Variants in BMF observed in about 807,000 individuals in gnomAD.
The protein encoded by BMF is Bcl2 modifying factor, also known as bcl-2-modifying factor.
BMF carries 10 observed loss-of-function variants against 22.0 expected under a neutral mutation model. That is an observed-to-expected ratio of 0.45 (90% CI 0.28 to 0.77). The LOEUF (loss-of-function observed/expected upper bound fraction) is 0.77. Among genes scored for constraint, BMF ranks in the 30% least tolerant of loss-of-function variants. The pLI, the probability that BMF is intolerant of heterozygous loss-of-function variation, is 0.13. For synonymous variants in BMF, 87 were observed against 88.1 expected, an observed-to-expected ratio of 0.99 and a Z score of 0.07; for missense variants, 206 against 226.8, an observed-to-expected ratio of 0.91 and a Z score of 0.59.
rs1284962411 is a variant in BMF, at chr15:40,091,503, G to T, written c.*284C>A. The T allele has an allele frequency of 6.1e-6, 2 of 329,746 alleles. No homozygotes were observed. The highest frequency in any genetic ancestry group is 8.8e-5 in the Admixed American group (2 of 22,672). The allele number at this position is 329,746 out of a possible 1,614,324, so 20.4% of individuals were successfully genotyped here. On this transcript the variant is annotated 3_prime_UTR_variant, in exon 5 of 5. Transcript: ENST00000354670. The stretch of plus-strand genomic sequence containing the variant: ...ACAACTGGTAGATTCCTCAGTCGAA[G>T]AATCTACTTGTCAGAGCCCTTGGGA...
intron 3 of BMF, 141 bp downstream of exon 3, chr15:40,105,654 G>A: frequency 9.5e-7 from 1 of 1,051,830 alleles, no homozygotes; most frequent in Non-Finnish European, 1.4e-6. Context: ...AAGCCGAGAG[G>A]CAGCAGGTGG....
chr15:40,095,142 G>C (rs1466772215), intron 4 of BMF, among the ~76,000 whole-genome samples: 1 of 152,184 alleles, frequency 6.6e-6, no homozygotes, highest in African/African-American at 2.4e-5. Context: ...GCCCTCTCTG[G>C]CTACAAGCAG....
chr15:40,107,317 A>G (rs1271033982), intron 2 of BMF, among the ~76,000 whole-genome samples: 3 of 152,128 alleles, frequency 2.0e-5, no homozygotes, highest in Non-Finnish European at 2.9e-5. Context: ...TGGTCTATGG[A>G]TTGGTGAAGT....
intron 2 of BMF, among the ~76,000 whole-genome samples, chr15:40,107,538 G>GTGTA (rs2036613376): frequency 2.6e-5 from 2 of 76,070 alleles, no homozygotes; most frequent in Admixed American, 2.3e-4. Context: ...TCCCAAGTGT[G>GTGTA]TGTGTGTGTG....
chr15:40,100,527 ACT>A (rs1418563012), intron 4 of BMF, among the ~76,000 whole-genome samples: 1 of 151,986 alleles, frequency 6.6e-6, no homozygotes, highest in Non-Finnish European at 1.5e-5. Flanking sequence ...ACCTCCACTC[ACT>A]CTGCCTCCAA....
At chr15:40,099,780 CAA>C (rs747996690) in intron 4 of BMF, among the ~76,000 whole-genome samples, 5 of 64,398 alleles carry the variant, frequency 7.8e-5, no homozygotes, top group Non-Finnish European at 8.5e-5. Context: ...GCTGTCTCAC[CAA>C]AAAAAAAAAA....
intron 4 of BMF, among the ~76,000 whole-genome samples, chr15:40,103,736 A>G (rs2036526996): frequency 6.6e-6 from 1 of 152,166 alleles, no homozygotes. Context: ...TCCCCAACTC[A>G]GGCCCCATCC....
chr15:40,088,743 C>T lies in BMF; in HGVS notation c.*3044G>A, dbSNP rs2036178882. Reference sequence around the variant, plus strand: ...CTGCCACATAGCTTTGGACACAGACCTACTCCCCTGGGGGCTGAGGGAGGT... The same window carrying T: ...CTGCCACATAGCTTTGGACACAGACTTACTCCCCTGGGGGCTGAGGGAGGT... On this transcript the variant is annotated 3_prime_UTR_variant, in exon 5 of 5. Coordinates refer to ENST00000354670, the MANE Select transcript of BMF (RefSeq NM_001003940.2). The T allele has an allele frequency of 6.6e-6, 1 of 152,322 alleles. No individual in the cohort carries two copies. Among genetic ancestry groups the T allele is most frequent in the Non-Finnish European group, 1.5e-5 (1 of 68,118 alleles). 9.4% of individuals were successfully genotyped at this position (152,322 alleles called of 1,614,324 possible). A position where few individuals can be genotyped will look rare whatever the true frequency, so the allele number is the denominator to read the frequency against.
Position 40,105,905 on chromosome 15 carries a change from C to G in BMF, c.182G>C (p.Arg61Pro), listed in dbSNP as rs767140552. The change falls in exon 3 of 5, where the codon CGA becomes CCA. Residue 61 changes from arginine (R) to proline (P), a missense_variant. Coordinates refer to ENST00000354670, the MANE Select transcript of BMF (RefSeq NM_001003940.2). ...AGCTTTGTCTTCCTGGCTGGTGGGT[C>G]GAAGGCCAGGGCCACAGCAGTGGGT... ...PLTHCCGPGLRPTSQEDKATQ... is the reference protein window; with the variant it reads ...PLTHCCGPGLPPTSQEDKATQ... 6.2e-6 allele frequency: 10 copies of G among 1,613,868 alleles called. No individual in the cohort carries two copies. In the Admixed American group the frequency reaches 8.3e-5, roughly 13 times the overall value.
rs2036581421 is a variant in BMF, at chr15:40,106,071, A to G, written c.16T>C (p.Cys6Arg). MEPSQ[C>R]VEELEDDVFQ... ...ACATCATCCTCCAGCTCCTCCACAC[A>G]CTGAGATGGCTCCATCTCTCCTGTG... Residue 6 changes from cysteine to arginine, a missense_variant, in exon 3 of 5, where the codon TGT becomes CGT. By Grantham distance (180) the Cys-to-Arg change is radical (BLOSUM62 -3). Transcript: ENST00000354670. This position sits in a 1 kb window ranked among gnomAD's most constrained non-coding sequence, Gnocchi z 4.1. 4 of 1,605,162 alleles carry G rather than the reference A, an allele frequency of 2.5e-6. No individual in the cohort carries two copies. The highest frequency in any genetic ancestry group is 3.4e-6 in the Non-Finnish European group (4 of 1,175,436).
At chr15:40,093,242 C>A (rs932567410) in intron 4 of BMF, among the ~76,000 whole-genome samples, 5 of 152,298 alleles carry the variant, frequency 3.3e-5, no homozygotes, top group Non-Finnish European at 7.3e-5. Context: ...AGGCAGCTGG[C>A]CTCAGGGCCT....
chr15:40,089,852 A>G lies in BMF; in HGVS notation c.*1935T>C, dbSNP rs909360592. 6.6e-6 allele frequency: 1 copy of G among 152,526 alleles called. No individual in the cohort carries two copies. The highest frequency in any genetic ancestry group is 1.5e-5 in the Non-Finnish European group (1 of 68,046). 9.4% of individuals were successfully genotyped at this position (152,526 alleles called of 1,614,324 possible). On this transcript the variant is annotated 3_prime_UTR_variant, in exon 5 of 5. Coordinates refer to ENST00000354670, the MANE Select transcript of BMF (RefSeq NM_001003940.2). ...GGGAAGGCTGAATTTCACAATGGTCAGTGTGTCCCAGAGCCAGTCTTCAAG... is the reference window on the plus strand; with the variant it reads ...GGGAAGGCTGAATTTCACAATGGTCGGTGTGTCCCAGAGCCAGTCTTCAAG...
chr15:40,107,315 G>A (rs2036607750), intron 2 of BMF, among the ~76,000 whole-genome samples: 1 of 152,224 alleles, frequency 6.6e-6, no homozygotes, highest in African/African-American at 2.4e-5. Flanking sequence ...AATGGTCTAT[G>A]GATTGGTGAA....
chr15:40,093,699 G>A (rs2036296635), intron 4 of BMF, among the ~76,000 whole-genome samples: 1 of 152,200 alleles, frequency 6.6e-6, no homozygotes, highest in South Asian at 2.1e-4. Flanking sequence ...CAGTTCTCCT[G>A]AGGTGCTTGT....
chr15:40,105,727 T>C (rs1353670753), intron 3 of BMF, 68 bp downstream of exon 3: 1 of 1,503,556 alleles, frequency 6.7e-7, no homozygotes, highest in Admixed American at 2.1e-5. Context: ...AGGGCAGGTT[T>C]GGGGAGGGAA....
chr15:40,106,227 C>A lies in BMF; in HGVS notation c.-5-136G>T. The A allele has an allele frequency of 2.0e-6, 2 of 988,112 alleles. No homozygotes were observed. The highest frequency in any genetic ancestry group is 2.9e-6 in the Non-Finnish European group (2 of 694,906). The allele number at this position is 988,112 out of a possible 1,614,324, so 61.2% of individuals were successfully genotyped here. ...GGACCACATACTGATGACATACAAC[C>A]CTGGTAATAAAGCACTGCTAAGGGT... On this transcript the variant is annotated intron_variant, in intron 2 of 4. Transcript: ENST00000354670. This position sits in a 1 kb window ranked among gnomAD's most constrained non-coding sequence, Gnocchi z 4.1.
intron 4 of BMF, among the ~76,000 whole-genome samples, chr15:40,094,665 G>A (rs998916951): frequency 6.6e-6 from 1 of 152,168 alleles, no homozygotes; most frequent in African/African-American, 2.4e-5. Context: ...GCCTCTCCCA[G>A]ACCCACTGGG....
At chr15:40,100,985 G>A (rs1172678979) in intron 4 of BMF, among the ~76,000 whole-genome samples, 2 of 152,162 alleles carry the variant, frequency 1.3e-5, no homozygotes, top group Admixed American at 6.5e-5. Flanking sequence ...GAAAGGTGAC[G>A]GTCAGGCCTC....
At chr15:40,098,627 C>A (rs1475575636) in intron 4 of BMF, among the ~76,000 whole-genome samples, 1 of 152,216 alleles carries the variant, frequency 6.6e-6, no homozygotes, top group African/African-American at 2.4e-5. Context: ...CCCCTTCACA[C>A]ACGGACTGAT....
Sources: gnomAD v4.1 joint callset for allele counts (sites outside exome capture counted in the v4.1 genomes callset) on GRCh38, gnomAD v4.1.1 for gene constraint, Gnocchi (gnomAD v3.1) non-coding constraint, MANE v1.5 for transcripts, NCBI Gene and HGNC (gene_info 2026-07-23, HGNC 2026-07-21) for gene names.